The following TBCEL variants were observed in gnomAD, a reference collection of about 807,000 sequenced individuals.
The protein encoded by TBCEL is tubulin-specific chaperone cofactor E-like protein.
A neutral mutation model predicts 44.2 loss-of-function variants in TBCEL; 15 were observed. The ratio of observed to expected loss-of-function variants is 0.34; its 90% CI spans 0.23 to 0.52. TBCEL has a LOEUF of 0.52. TBCEL is among the 20% of genes least tolerant of loss of function. TBCEL has a pLI of 0.95. For missense variants in TBCEL, 319 were observed against 506.3 expected (o/e 0.63, Z 3.55); for synonymous variants, 171 against 185.4 (o/e 0.92, Z 0.63).
chr11:121,025,390 G>GTT (rs1945027686), intron 1 of TBCEL, among the ~76,000 whole-genome samples: 1 of 151,674 alleles, frequency 6.6e-6, no homozygotes, highest in Non-Finnish European at 1.5e-5. Flanking sequence ...TCTCTAGGGT[G>GTT]GTAGCTTTCA....
intron 1 of TBCEL, among the ~76,000 whole-genome samples, chr11:121,028,753 C>T (rs1210987529): frequency 6.6e-6 from 1 of 152,140 alleles, no homozygotes; most frequent in South Asian, 2.1e-4. Context: ...TGTTAACAAA[C>T]AAATTGCTCA....
intron 1 of TBCEL, among the ~76,000 whole-genome samples, chr11:121,027,305 A>G (rs1460788558): frequency 6.6e-6 from 1 of 152,232 alleles, no homozygotes; most frequent in South Asian, 2.1e-4. Flanking sequence ...TCCCTTTTTC[A>G]TGCTACCCAT....
At position 121,075,755 on chromosome 11, in the gene TBCEL, G is replaced by A. The variant is rs144187951; in HGVS notation, c.957-11023G>A. 4.7e-3 allele frequency among the ~76,000 whole-genome samples: 721 copies of A among 151,992 alleles called. 6 individuals are homozygous for A. The highest frequency in any genetic ancestry group is 0.016 in the African/African-American group (678 of 41,504). ...TTGCTTAATGACAGGGATACATTCT[G>A]AGAAATGCATCATTAGGCGATTTTG... On this transcript the variant is annotated intron_variant, in intron 8 of 8. Transcript: ENST00000683345.
Position 121,045,674 on chromosome 11 carries a change from C to A in TBCEL, c.-17C>A, listed in dbSNP as rs753641764. On this transcript the variant is annotated splice_region_variant and 5_prime_UTR_variant, in exon 3 of 9. Coordinates refer to ENST00000683345, the MANE Select transcript of TBCEL (RefSeq NM_001363644.2). Reference sequence around the variant, plus strand: ...TTGATTATTTCTTGGTTTCTTGTAGCATTTTAAGAAAGAAAGATGGATCAA... The same window carrying A: ...TTGATTATTTCTTGGTTTCTTGTAGAATTTTAAGAAAGAAAGATGGATCAA... 1 of 1,562,948 alleles carries A rather than the reference C, an allele frequency of 6.4e-7. No homozygotes were observed. Among genetic ancestry groups the A allele is most frequent in the Admixed American group, 2.0e-5 (1 of 48,802 alleles).
intron 2 of TBCEL, among the ~76,000 whole-genome samples, chr11:121,044,980 G>A (rs1474044872): frequency 1.3e-5 from 2 of 152,074 alleles, no homozygotes; most frequent in Non-Finnish European, 2.9e-5. Context: ...GTTACATGAA[G>A]TCCTCAGGGA....
chr11:121,074,238 A>G (rs1411725048), intron 8 of TBCEL, among the ~76,000 whole-genome samples: 1 of 152,054 alleles, frequency 6.6e-6, no homozygotes, highest in East Asian at 1.9e-4. Flanking sequence ...AAAAGGATGT[A>G]TACTACAAAG....
In TBCEL at chr11:121,055,317, C is replaced by T. The variant is rs189863610; in HGVS notation, c.712+9C>T. 1,158 of 1,584,368 alleles carry T rather than the reference C, an allele frequency of 7.3e-4. No individual in the cohort carries two copies. The highest frequency in any genetic ancestry group is 9.2e-4 in the Non-Finnish European group (1,073 of 1,162,762). ...CAGCCTCCACAAGTCAGGTGAGGTT[C>T]AGGCTTGTTCTTATTCTACATGCAA... On this transcript the variant is annotated intron_variant, in intron 6 of 8. Transcript: ENST00000683345.
chr11:121,068,578 G>A (rs1356514485), intron 8 of TBCEL, among the ~76,000 whole-genome samples: 2 of 151,794 alleles, frequency 1.3e-5, no homozygotes, highest in African/African-American at 4.8e-5. Flanking sequence ...AAGAACTCAA[G>A]TTGATTTTTA....
chr11:121,029,799 C>A (rs1415289889), intron 1 of TBCEL, among the ~76,000 whole-genome samples: 1 of 152,158 alleles, frequency 6.6e-6, no homozygotes, highest in East Asian at 1.9e-4. Context: ...CATTGGTGAG[C>A]TTCATTTTCA....
intron 8 of TBCEL, among the ~76,000 whole-genome samples, chr11:121,066,665 G>A (rs902405080): frequency 1.3e-4 from 20 of 152,168 alleles, no homozygotes; most frequent in African/African-American, 2.9e-4. Flanking sequence ...AGTGAGTGGC[G>A]AATAACAACA....
In TBCEL at chr11:121,045,838, A is replaced by C; in HGVS notation, c.133+15A>C. 6.4e-7 allele frequency: 1 copy of C among 1,559,198 alleles called. No individual in the cohort carries two copies. The highest frequency in any genetic ancestry group is 8.6e-7 in the Non-Finnish European group (1 of 1,159,488). On this transcript the variant is annotated intron_variant, in intron 3 of 8. Coordinates refer to ENST00000683345, the MANE Select transcript of TBCEL (RefSeq NM_001363644.2). ...TCCTATGAAAGGTAAGAAAGATGGG[A>C]CCTAAAACACTTATTTAGTGGAGCT...
chr11:121,027,858 A>G (rs1432925229), intron 1 of TBCEL, among the ~76,000 whole-genome samples: 1 of 152,180 alleles, frequency 6.6e-6, no homozygotes, highest in African/African-American at 2.4e-5. Flanking sequence ...CACAGGGTCT[A>G]CCAGGGCGTA....
intron 7 of TBCEL, 116 bp from the exon 8 acceptor site, chr11:121,059,853 A>G: frequency 1.4e-6 from 1 of 711,456 alleles, no homozygotes; most frequent in Non-Finnish European, 2.3e-6. Flanking sequence ...AAATGGAACT[A>G]CATCAAATGT....
intron 8 of TBCEL, among the ~76,000 whole-genome samples, chr11:121,060,310 T>C (rs1423049464): frequency 1.3e-5 from 2 of 151,986 alleles, no homozygotes; most frequent in Admixed American, 1.3e-4. Flanking sequence ...TTAAGAATGA[T>C]TGGGTAAGTA....
At chr11:121,080,903 G>C (rs902206261) in intron 8 of TBCEL, among the ~76,000 whole-genome samples, 2 of 152,182 alleles carry the variant, frequency 1.3e-5, no homozygotes, top group African/African-American at 4.8e-5. Flanking sequence ...AGACAGGTGT[G>C]CCATGGACCA....
chr11:121,053,746 G>A lies in TBCEL; in HGVS notation c.455+14G>A, dbSNP rs1399672532. ...GGAGTTACCAGAGTAAGCCCAGAGAGCATGAGGGCGAGGGAGTTATGTTGC... is the reference window on the plus strand; with the variant it reads ...GGAGTTACCAGAGTAAGCCCAGAGAACATGAGGGCGAGGGAGTTATGTTGC... On this transcript the variant is annotated intron_variant, in intron 5 of 8. Coordinates refer to ENST00000683345, the MANE Select transcript of TBCEL (RefSeq NM_001363644.2). 3 of 1,610,632 alleles carry A rather than the reference G, an allele frequency of 1.9e-6. No individual in the cohort carries two copies. The highest frequency in any genetic ancestry group is 2.2e-5 in the South Asian group (2 of 90,842).
At chr11:121,028,531 T>C (rs540952899) in intron 1 of TBCEL, among the ~76,000 whole-genome samples, 11 of 152,342 alleles carry the variant, frequency 7.2e-5, no homozygotes, top group African/African-American at 2.6e-4. Context: ...GTAACCTCTC[T>C]GCTTCAGTTT....
chr11:121,048,915 C>G (rs1025987525), intron 4 of TBCEL, among the ~76,000 whole-genome samples: 1 of 151,792 alleles, frequency 6.6e-6, no homozygotes, highest in African/African-American at 2.4e-5. Flanking sequence ...AAGACTTGGC[C>G]CAAGTTGCTA....
chr11:121,079,099 T>G (rs942638794), intron 8 of TBCEL, among the ~76,000 whole-genome samples: 2 of 152,196 alleles, frequency 1.3e-5, no homozygotes, highest in Non-Finnish European at 2.9e-5. Flanking sequence ...AAAAACTAAA[T>G]GGAAAATACT....
Sources: allele counts gnomAD v4.1 joint callset (sites outside exome capture counted in the v4.1 genomes callset), GRCh38; gene constraint gnomAD v4.1.1; transcripts MANE v1.5; gene names NCBI Gene and HGNC (gene_info 2026-07-23, HGNC 2026-07-21).